Variants in TFEC observed in about 807,000 individuals in gnomAD.
TFEC encodes the protein transcription factor EC, also known as class E basic helix-loop-helix protein 34.
In TFEC, 31 loss-of-function variants were observed where a neutral mutation model predicts 41.6. The ratio of observed to expected loss-of-function variants is 0.74; its 90% CI spans 0.56 to 1.01. The LOEUF (loss-of-function observed/expected upper bound fraction) is 1.01. Among genes scored for constraint, TFEC ranks in the 50% least tolerant of loss-of-function variants. The probability of loss-of-function intolerance (pLI) is 0.00; values close to 1 mark genes in which losing one functional copy is unlikely to be tolerated. For missense variants in TFEC, 402 were observed against 404.1 expected, an observed-to-expected ratio of 0.99 and a Z score of 0.04; for synonymous variants, 143 against 140.6, an observed-to-expected ratio of 1.02 and a Z score of -0.12.
At chr7:115,964,001 C>T (rs1006845791) in intron 3 of TFEC, among the ~76,000 whole-genome samples, 1 of 151,620 alleles carries the variant, frequency 6.6e-6, no homozygotes, top group Non-Finnish European at 1.5e-5. Context: ...ATTTTCACTA[C>T]TTCTCTTCAA....
chr7:116,022,406 T>C (rs1419702876), intron 1 of TFEC, among the ~76,000 whole-genome samples: 1 of 152,204 alleles, frequency 6.6e-6, no homozygotes, highest in African/African-American at 2.4e-5. Flanking sequence ...GCATTTAAGA[T>C]TGCAGATTTT....
At chr7:116,021,519 C>T (rs1562937985) in intron 1 of TFEC, among the ~76,000 whole-genome samples, 1 of 152,192 alleles carries the variant, frequency 6.6e-6, no homozygotes, top group African/African-American at 2.4e-5. Context: ...CATCTCACTC[C>T]AGAAAGTCAA....
intron 1 of TFEC, among the ~76,000 whole-genome samples, chr7:116,020,739 A>T (rs1020616075): frequency 6.6e-6 from 1 of 152,188 alleles, no homozygotes; most frequent in Non-Finnish European, 1.5e-5. Context: ...TTGACACTGT[A>T]GCCCTAAAAT....
chr7:115,987,148 AG>A (rs1180200813), intron 1 of TFEC, among the ~76,000 whole-genome samples: 1 of 152,314 alleles, frequency 6.6e-6, no homozygotes, highest in Non-Finnish European at 1.5e-5. Flanking sequence ...GAATTACAAA[AG>A]TTTAGCAGGC....
intron 1 of TFEC, among the ~76,000 whole-genome samples, chr7:116,156,866 T>A (rs1352914560): frequency 6.6e-6 from 1 of 152,234 alleles, no homozygotes; most frequent in Non-Finnish European, 1.5e-5. Flanking sequence ...CATTTTCACA[T>A]CCTGTGATCA....
In TFEC at chr7:115,950,880, T is replaced by C. The variant is rs763328025; in HGVS notation, c.509A>G (p.Asn170Ser). The C allele has an allele frequency of 6.2e-7, 1 of 1,602,524 alleles. No individual in the cohort carries two copies. The highest frequency in any genetic ancestry group is 8.5e-7 in the Non-Finnish European group (1 of 1,173,814). The change falls in exon 6 of 8, where the codon AAT becomes AGT. Residue 170 changes from asparagine to serine, a missense_variant. Coordinates refer to ENST00000265440, the MANE Select transcript of TFEC (RefSeq NM_012252.4). ...KELGTLIPKS[N>S]DPDMRWNKGT... ...AAATGATTGTTGAACTCACGGATCA[T>C]TAGACTTTGGAATAAGAGTGCCAAG... is the stretch of plus-strand genomic sequence containing the variant.
intron 6 of TFEC, among the ~76,000 whole-genome samples, chr7:115,949,356 G>A (rs914136012): frequency 6.6e-5 from 10 of 151,872 alleles, no homozygotes; most frequent in African/African-American, 2.4e-4. Context: ...CTACTTTAAA[G>A]TTCATATGGA....
intron 1 of TFEC, among the ~76,000 whole-genome samples, chr7:116,135,883 C>A (rs1798423481): frequency 6.6e-6 from 1 of 152,056 alleles, no homozygotes; most frequent in South Asian, 2.1e-4. Flanking sequence ...TATTTAGTTA[C>A]TACCTTTCTA....
In TFEC at chr7:116,099,582, T is replaced by G. The variant is rs557652321; in HGVS notation, c.198+11126A>C. Among the ~76,000 whole-genome samples the G allele has an allele frequency of 2.0e-5, 3 of 152,310 alleles. No individual in the cohort carries two copies. In the East Asian group the frequency reaches 5.8e-4, roughly 29 times the overall value. ...ATATGAAGAAGCCAAACCATACTGC[T>G]AGAGACACACGGCTCAGCCAACAGT... On this transcript the variant is annotated intron_variant, in intron 3 of 8. Coordinates refer to the TFEC transcript ENST00000484212.
upstream of TFEC, among the ~76,000 whole-genome samples, chr7:116,031,778 TA>T (rs1216263819): frequency 6.6e-6 from 1 of 152,054 alleles, no homozygotes; most frequent in Non-Finnish European, 1.5e-5. Context: ...AGCTATTAAG[TA>T]AAAAAATTGT....
intron 1 of TFEC, among the ~76,000 whole-genome samples, chr7:116,013,982 G>A (rs1472748421): frequency 6.6e-6 from 1 of 152,072 alleles, no homozygotes; most frequent in Non-Finnish European, 1.5e-5. Context: ...CTTTAGATGA[G>A]TGTTTTATTT....
At chr7:116,018,412 T>C (rs764197472) in intron 1 of TFEC, among the ~76,000 whole-genome samples, 5 of 152,222 alleles carry the variant, frequency 3.3e-5, no homozygotes, top group Non-Finnish European at 7.3e-5. Context: ...TGTGTGTTTA[T>C]AAATGGAGAA....
chr7:116,155,580 GA>G (rs1262371467), intron 1 of TFEC, among the ~76,000 whole-genome samples: 5 of 151,864 alleles, frequency 3.3e-5, no homozygotes, highest in Admixed American at 6.6e-5. Context: ...GAAAAAAAAA[GA>G]AAGAAAGAAA....
chr7:116,037,396 T>C (rs1795934834), intron 3 of TFEC, among the ~76,000 whole-genome samples: 1 of 151,978 alleles, frequency 6.6e-6, no homozygotes, highest in Non-Finnish European at 1.5e-5. Context: ...AAGTCCAAAA[T>C]CAGTATCATA....
At chr7:116,004,974 G>A (rs140278340) in intron 1 of TFEC, among the ~76,000 whole-genome samples, 26 of 152,160 alleles carry the variant, frequency 1.7e-4, no homozygotes, top group African/African-American at 2.9e-4. Flanking sequence ...GAGACCTGAC[G>A]GTTTCATAAG....
chr7:116,126,591 C>T (rs1019552015), intron 1 of TFEC, among the ~76,000 whole-genome samples: 2 of 152,038 alleles, frequency 1.3e-5, no homozygotes, highest in Admixed American at 6.6e-5. Context: ...TAGCAATACA[C>T]TTTCAAAATC....
chr7:115,987,320 C>T (rs1441372406), intron 1 of TFEC, among the ~76,000 whole-genome samples: 2 of 152,120 alleles, frequency 1.3e-5, no homozygotes, highest in Non-Finnish European at 2.9e-5. Flanking sequence ...AATATCAGAA[C>T]AACGGGATAA....
intron 3 of TFEC, among the ~76,000 whole-genome samples, chr7:116,080,423 A>C (rs1244081595): frequency 1.3e-5 from 2 of 152,078 alleles, no homozygotes; most frequent in African/African-American, 4.8e-5. Flanking sequence ...TGTATGCACC[A>C]GAAAAAGGAC....
At chr7:116,046,925 C>T (rs1796179598) in intron 3 of TFEC, among the ~76,000 whole-genome samples, 2 of 152,254 alleles carry the variant, frequency 1.3e-5, no homozygotes. Context: ...TTATTTAAAA[C>T]CCTCTCAGGG....
Sources: allele counts gnomAD v4.1 joint callset (sites outside exome capture counted in the v4.1 genomes callset), GRCh38; gene constraint gnomAD v4.1.1; transcripts MANE v1.5; gene names NCBI Gene and HGNC (gene_info 2026-07-23, HGNC 2026-07-21).